The following LYSMD3 variants were observed in gnomAD, a reference collection of about 807,000 sequenced individuals.
The protein encoded by LYSMD3 is lysM and putative peptidoglycan-binding domain-containing protein 3.
Under a neutral mutation model 26.1 loss-of-function variants are expected in LYSMD3, and 13 were observed. The ratio of observed to expected loss-of-function variants is 0.50; its 90% CI spans 0.32 to 0.79. The LOEUF (loss-of-function observed/expected upper bound fraction) is 0.79, where lower values mean the gene tolerates loss of function less well. Among genes scored for constraint, LYSMD3 ranks in the 30% least tolerant of loss-of-function variants. LYSMD3 has a pLI of 0.03. For missense variants in LYSMD3, 331 were observed against 362.5 expected (o/e 0.91, Z 0.71); for synonymous variants, 109 against 119.4 (o/e 0.91, Z 0.57).
Position 90,519,271 on chromosome 5 carries a change from C to T in LYSMD3, c.469G>A (p.Ala157Thr). The T allele has an allele frequency of 6.2e-7, 1 of 1,613,970 alleles. No individual in the cohort carries two copies. Among genetic ancestry groups the T allele is most frequent in the Non-Finnish European group, 8.5e-7 (1 of 1,179,972 alleles). The change falls in exon 3 of 3, where the codon GCT (alanine) becomes ACT (threonine). Residue 157 changes from alanine (A) to threonine (T), a missense_variant. Physicochemically the swap from Ala to Thr is moderately conservative, Grantham distance 58. This residue lies in a region of LYSMD3 where 262 missense variants were observed against 267.3 expected (regional missense o/e 0.98). Coordinates refer to ENST00000315948, the MANE Select transcript of LYSMD3 (RefSeq NM_198273.2). ...ANDSLAYSDS[A>T]GSFLKEVDRD... The stretch of plus-strand genomic sequence containing the variant: ...TCTACTTCTTTTAAAAAGCTACCAG[C>T]TGAGTCACTGTAAGCAAGAGAATCA...
intron 1 of LYSMD3, among the ~76,000 whole-genome samples, chr5:90,528,462 T>TA (rs1296671931): frequency 6.6e-6 from 1 of 152,198 alleles, no homozygotes; most frequent in Non-Finnish European, 1.5e-5. Context: ...CTCCACGATA[T>TA]ATTTCTAAAT....
At position 90,518,616 on chromosome 5, in the gene LYSMD3, C is replaced by T. The variant is rs1316982581; in HGVS notation, c.*203G>A. 1 of 455,610 alleles carries T rather than the reference C, an allele frequency of 2.2e-6. No homozygotes were observed. Among genetic ancestry groups the T allele is most frequent in the Non-Finnish European group, 3.8e-6 (1 of 259,814 alleles). 28.2% of individuals were successfully genotyped at this position (455,610 alleles called of 1,614,324 possible). The stretch of plus-strand genomic sequence containing the variant: ...TAAATTAATTTCTGCTTGAAACATT[C>T]ACACACCAGATTTATGGATCAACTG... On this transcript the variant is annotated 3_prime_UTR_variant, in exon 3 of 3. Coordinates refer to ENST00000315948, the MANE Select transcript of LYSMD3 (RefSeq NM_198273.2).
chr5:90,517,644 G>A lies in LYSMD3; in HGVS notation c.*1175C>T, dbSNP rs984071304. 1.3e-5 allele frequency: 2 copies of A among 151,914 alleles called. No homozygotes were observed. The highest frequency in any genetic ancestry group is 2.9e-5 in the Non-Finnish European group (2 of 67,900). 9.4% of individuals were successfully genotyped at this position (151,914 alleles called of 1,614,324 possible). A position where few individuals can be genotyped will look rare whatever the true frequency, so the allele number is the denominator to read the frequency against. On this transcript the variant is annotated 3_prime_UTR_variant, in exon 3 of 3. Coordinates refer to ENST00000315948, the MANE Select transcript of LYSMD3 (RefSeq NM_198273.2). ...GTTTCCCAATTTGATGCTATATATAGAGATCAGGAAAAAAGTCTAAATTGG... is the reference window on the plus strand; with the variant it reads ...GTTTCCCAATTTGATGCTATATATAAAGATCAGGAAAAAAGTCTAAATTGG...
At chr5:90,524,381 A>G (rs1489188737) in intron 2 of LYSMD3, among the ~76,000 whole-genome samples, 1 of 152,204 alleles carries the variant, frequency 6.6e-6, no homozygotes, top group Non-Finnish European at 1.5e-5. Flanking sequence ...GCATTCCTAC[A>G]TGCCAAAGTG....
Position 90,525,274 on chromosome 5 carries a change from G to C in LYSMD3, c.16C>G (p.Gln6Glu). The change falls in exon 2 of 3, where the codon CAG (glutamine) becomes GAG (glutamate). Residue 6 changes from glutamine to glutamate, a missense_variant. Coordinates refer to ENST00000315948, the MANE Select transcript of LYSMD3 (RefSeq NM_198273.2). ...CCTGGAAGAGGAAAACTACGATTCT[G>C]ATGCCTCCCTGCCATAATGTTAAAA... MAGRH[Q>E]NRSFPLPGVQ... The C allele has an allele frequency of 6.2e-7, 1 of 1,606,744 alleles. No individual in the cohort carries two copies. Among genetic ancestry groups the C allele is most frequent in the South Asian group, 1.1e-5 (1 of 89,690 alleles).
In LYSMD3 at chr5:90,518,808, T is replaced by A. The variant is rs1049335035; in HGVS notation, c.*11A>T. On this transcript the variant is annotated 3_prime_UTR_variant, in exon 3 of 3. Coordinates refer to ENST00000315948, the MANE Select transcript of LYSMD3 (RefSeq NM_198273.2). The stretch of plus-strand genomic sequence containing the variant: ...ACATGTGACCACTAACATTTGATTA[T>A]GAGCTAATTGCTATGTTTCCTGTTG... 2 of 1,599,260 alleles carry A rather than the reference T, an allele frequency of 1.3e-6. No individual in the cohort carries two copies. The highest frequency in any genetic ancestry group is 3.4e-5 in the Admixed American group (2 of 59,330).
At chr5:90,520,421 G>C (rs1753062725) in intron 2 of LYSMD3, 2 of 456,104 alleles carry the variant, frequency 4.4e-6, no homozygotes, top group Non-Finnish European at 8.8e-6. Flanking sequence ...TTCTGGTTTG[G>C]TCAACTTGAT....
At position 90,518,929 on chromosome 5, in the gene LYSMD3, C is replaced by A. The variant is rs747550681; in HGVS notation, c.811G>T (p.Glu271Ter). The change falls in exon 3 of 3, where the codon GAA becomes TAA. Residue 271 changes from glutamate to a stop codon, truncating the protein, a stop_gained. Coordinates refer to ENST00000315948, the MANE Select transcript of LYSMD3 (RefSeq NM_198273.2). LOFTEE classifies it high-confidence loss of function. ...SKITPPSQQR[E>*]MENGIVPTKG... The stretch of plus-strand genomic sequence containing the variant: ...GTTGGCACAATTCCATTTTCCATTT[C>A]TCTCTGCTGTGATGGGGGTGTGATT... 6 of 1,613,906 alleles carry A rather than the reference C, an allele frequency of 3.7e-6. No homozygotes were observed. Among genetic ancestry groups the A allele is most frequent in the Non-Finnish European group, 5.1e-6 (6 of 1,179,972 alleles).
At chr5:90,523,677 T>C (rs931139675) in intron 2 of LYSMD3, among the ~76,000 whole-genome samples, 2 of 152,140 alleles carry the variant, frequency 1.3e-5, no homozygotes, top group African/African-American at 4.8e-5. Flanking sequence ...ATTCTGTGGA[T>C]GCATTTAAAG....
chr5:90,526,643 G>A (rs1258731971), intron 1 of LYSMD3, among the ~76,000 whole-genome samples: 3 of 152,158 alleles, frequency 2.0e-5, no homozygotes, highest in Non-Finnish European at 4.4e-5. Flanking sequence ...TTGCACTCAA[G>A]GTGGTTCAGA....
intron 2 of LYSMD3, among the ~76,000 whole-genome samples, 175 bp downstream of exon 2, chr5:90,524,859 TG>T (rs1753179287): frequency 6.6e-6 from 1 of 152,202 alleles, no homozygotes; most frequent in African/African-American, 2.4e-5. Context: ...CCCAAAGTGC[TG>T]GGATTACAGG....
At chr5:90,526,831 A>C (rs1753234085) in intron 1 of LYSMD3, 1 of 152,222 alleles carries the variant, frequency 6.6e-6, no homozygotes. Flanking sequence ...CTATATAGTC[A>C]AACTCAGAGA....
intron 2 of LYSMD3, chr5:90,520,377 G>C (rs1753061495): frequency 1.3e-5 from 6 of 456,194 alleles, no homozygotes; most frequent in South Asian, 7.7e-5. Context: ...ATTCATGTCA[G>C]AGAGATAAAG....
In LYSMD3 at chr5:90,529,437, A is replaced by G. The variant is rs759572630; in HGVS notation, c.-12+11T>C. ...GACCGGGCTACCCTCACCTCCTGCC[A>G]CCATCTTTACCTGTCCCCGTTAGCA... On this transcript the variant is annotated intron_variant, in intron 1 of 2. Coordinates refer to ENST00000315948, the MANE Select transcript of LYSMD3 (RefSeq NM_198273.2). 8 of 456,130 alleles carry G rather than the reference A, an allele frequency of 1.8e-5. No individual in the cohort carries two copies. Among genetic ancestry groups the G allele is most frequent in the Admixed American group, 7.1e-5 (3 of 42,548 alleles). The allele number at this position is 456,130 out of a possible 1,614,324, so 28.3% of individuals were successfully genotyped here.
rs537741093 is a variant in LYSMD3 at position 90,528,929 on chromosome 5, G to A, written c.-12+519C>T. ...AGCAAGGTGCAATAAGAGGGTCACA[G>A]GGCACAAGTTAAAGCTGCAAAGGGA... On this transcript the variant is annotated intron_variant, in intron 1 of 2. Coordinates refer to ENST00000315948, the MANE Select transcript of LYSMD3 (RefSeq NM_198273.2). 3.3e-5 allele frequency among the ~76,000 whole-genome samples: 5 copies of A among 152,338 alleles called. No homozygotes were observed. In the South Asian group the frequency reaches 1.0e-3, roughly 32 times the overall value.
rs1752987202 is a variant in LYSMD3 at position 90,517,876 on chromosome 5, T to A, written c.*943A>T. 6.6e-6 allele frequency: 1 copy of A among 152,488 alleles called. No individual in the cohort carries two copies. The highest frequency in any genetic ancestry group is 2.4e-5 in the African/African-American group (1 of 41,442). The allele number at this position is 152,488 out of a possible 1,614,324, so 9.4% of individuals were successfully genotyped here. The stretch of plus-strand genomic sequence containing the variant: ...ATGTAACGAATCTGATTGGACCATA[T>A]GAAATAATGCTTATTTTTAATTCTG... On this transcript the variant is annotated 3_prime_UTR_variant, in exon 3 of 3. Transcript: ENST00000315948.
chr5:90,529,564 G>A lies in LYSMD3; in HGVS notation c.-128C>T, dbSNP rs1753316079. The stretch of plus-strand genomic sequence containing the variant: ...CTTTGGGCTGACCCCGTCCGCCTCC[G>A]CCTCTGCCGCCAACGTCTCCGCCTT... On this transcript the variant is annotated 5_prime_UTR_variant, in exon 1 of 3. Coordinates refer to ENST00000315948, the MANE Select transcript of LYSMD3 (RefSeq NM_198273.2). 2 of 456,202 alleles carry A rather than the reference G, an allele frequency of 4.4e-6. No individual in the cohort carries two copies. The highest frequency in any genetic ancestry group is 8.8e-6 in the Non-Finnish European group (2 of 226,786). The allele number at this position is 456,202 out of a possible 1,614,324, so 28.3% of individuals were successfully genotyped here.
chr5:90,519,044 T>C lies in LYSMD3; in HGVS notation c.696A>G (p.Thr232=), dbSNP rs778751044. The C allele has an allele frequency of 5.0e-6, 8 of 1,613,982 alleles. No individual in the cohort carries two copies. Among genetic ancestry groups the C allele is most frequent in the Non-Finnish European group, 5.9e-6 (7 of 1,179,978 alleles). ...CATAATACAACAAATAAAACACTGG[T>C]GTTATTATACCTACTATCAACATTA... ...VVIMLIVGII[T]PVFYLLYYEI... is the part of the protein sequence containing the mutation. Residue 232 remains threonine (T), a synonymous_variant, in exon 3 of 3, where the codon ACA becomes ACG. Transcript: ENST00000315948.
rs1752938411 is a variant in LYSMD3 at position 90,516,075 on chromosome 5, A to G, written c.*2744T>C. On this transcript the variant is annotated 3_prime_UTR_variant, in exon 3 of 3. Transcript: ENST00000315948. Reference sequence around the variant, plus strand: ...TTTAAAAAAGAACTAATTACTAAGTAGTGGTTCATTTAAATAACTCTTCAG... The same window carrying G: ...TTTAAAAAAGAACTAATTACTAAGTGGTGGTTCATTTAAATAACTCTTCAG... The G allele has an allele frequency of 6.6e-6, 1 of 152,170 alleles. No homozygotes were observed. The highest frequency in any genetic ancestry group is 1.5e-5 in the Non-Finnish European group (1 of 67,994). The allele number at this position is 152,170 out of a possible 1,614,324, so 9.4% of individuals were successfully genotyped here.
Sources: allele counts gnomAD v4.1 joint callset (sites outside exome capture counted in the v4.1 genomes callset), GRCh38; gene constraint gnomAD v4.1.1; regional missense constraint gnomAD v4.1.1; transcripts MANE v1.5; gene names NCBI Gene and HGNC (gene_info 2026-07-23, HGNC 2026-07-21).